TDRD9: variants seen among roughly 807,000 people sequenced by gnomAD.
TDRD9 encodes ATP-dependent RNA helicase TDRD9.
In TDRD9, 124 loss-of-function variants were observed where a neutral mutation model predicts 172.6. The observed-to-expected ratio is 0.72, with a 90% confidence interval of 0.62 to 0.83. The LOEUF is 0.83. Among genes scored for constraint, TDRD9 ranks in the 40% least tolerant of loss-of-function variants. The pLI is 0.00. For missense variants in TDRD9, 1,479 were observed against 1,714.1 expected (o/e 0.86, Z 2.42); for synonymous variants, 619 against 617.1 (o/e 1.00, Z -0.05).
chr14:104,025,112 G>A (rs902955396), intron 25 of TDRD9, among the ~76,000 whole-genome samples: 19 of 152,192 alleles, frequency 1.2e-4, no homozygotes, highest in African/African-American at 4.6e-4. Flanking sequence ...CTCCTGAGTA[G>A]CTGGGATTAC....
In TDRD9 at chr14:103,980,472, T is replaced by C. The variant is rs2033429158; in HGVS notation, c.1011+4919T>C. Among the ~76,000 whole-genome samples the C allele has an allele frequency of 6.6e-6, 1 of 152,114 alleles. No individual in the cohort carries two copies. Among genetic ancestry groups the C allele is most frequent in the Non-Finnish European group, 1.5e-5 (1 of 68,012 alleles). On this transcript the variant is annotated intron_variant, in intron 7 of 35. Transcript: ENST00000409874. The surrounding 1 kb of genome is among the most constrained non-coding windows in gnomAD (Gnocchi z 4.5). The stretch of plus-strand genomic sequence containing the variant: ...TATTATTTCTGCTTATCAGAGACTT[T>C]TAGTACTTTCACTAACTTGCCACTG...
At chr14:103,934,653 G>A (rs1239021529) in intron 1 of TDRD9, among the ~76,000 whole-genome samples, 1 of 152,174 alleles carries the variant, frequency 6.6e-6, no homozygotes, top group Non-Finnish European at 1.5e-5. Context: ...TGGTGGGCGG[G>A]CGCCTGTAGT....
At position 104,024,653 on chromosome 14, in the gene TDRD9, T is replaced by C. The variant is rs751456899; in HGVS notation, c.2691T>C (p.Asp897=). 9 of 1,609,304 alleles carry C rather than the reference T, an allele frequency of 5.6e-6. No individual in the cohort carries two copies. In the South Asian group the frequency reaches 9.9e-5, roughly 18 times the overall value. ...CAGACAGGTCCCAGACAGTTACAGA[T>C]CTCCTTCTAACTATTGATGTCACAG... ...NTSDRSQTVT[D]LLLTIDVTEV... is the part of the protein sequence containing the mutation. Residue 897 remains aspartate (D), a synonymous_variant, in exon 25 of 36, where the codon GAT becomes GAC. Coordinates refer to ENST00000409874, the MANE Select transcript of TDRD9 (RefSeq NM_153046.3).
At chr14:103,972,319 AAAAC>A (rs909901782) in intron 6 of TDRD9, among the ~76,000 whole-genome samples, 1 of 152,184 alleles carries the variant, frequency 6.6e-6, no homozygotes, top group Non-Finnish European at 1.5e-5. Context: ...AAAAAAAACA[AAAAC>A]AAAACAAAAA....
intron 1 of TDRD9, among the ~76,000 whole-genome samples, chr14:103,955,056 G>C (rs2152131243): frequency 6.6e-6 from 1 of 152,010 alleles, no homozygotes; most frequent in Admixed American, 6.6e-5. Flanking sequence ...CTGCTGAGTA[G>C]CTGGGACCAC....
intron 9 of TDRD9, among the ~76,000 whole-genome samples, chr14:103,991,746 A>G (rs1377882291): frequency 7.1e-6 from 1 of 140,340 alleles, no homozygotes; most frequent in Non-Finnish European, 1.6e-5. Flanking sequence ...TCTTATTAAT[A>G]ATTAAGAGTT....
Position 104,052,249 on chromosome 14 carries a change from AGTG to A in TDRD9, c.*171_*173del. 1 of 474,426 alleles carries A rather than the reference AGTG, an allele frequency of 2.1e-6. No individual in the cohort carries two copies. 29.4% of individuals were successfully genotyped at this position (474,426 alleles called of 1,614,324 possible). On this transcript the variant is annotated 3_prime_UTR_variant, in exon 36 of 36. Coordinates refer to ENST00000409874, the MANE Select transcript of TDRD9 (RefSeq NM_153046.3). Reference sequence around the variant, plus strand: ...TTTTCTCTTTGGGTGATAGTCAGAGAGTGGTGTTTTTGTTCAGGTGGGAAGGAT... The same window carrying A: ...TTTTCTCTTTGGGTGATAGTCAGAGAGTGTTTTTGTTCAGGTGGGAAGGAT...
chr14:104,045,659 TGTTGGAAGGCTGGGCATAATAAGGG>T lies in TDRD9; in HGVS notation c.3974+3477_3974+3501del, dbSNP rs1487480590. On this transcript the variant is annotated intron_variant, in intron 34 of 35. Transcript: ENST00000409874. ...TGAAACCTAATACCCAATGCAACAG[TGTTGGAAGGCTGGGCATAATAAGGG>T]GTTGACTGGACTCATGTCATCATTG... 1.3e-5 allele frequency among the ~76,000 whole-genome samples: 2 copies of T among 152,166 alleles called. 1 individual carries two copies. The highest frequency in any genetic ancestry group is 2.9e-5 in the Non-Finnish European group (2 of 68,030).
At chr14:104,021,800 A>T (rs1316496542) in intron 23 of TDRD9, among the ~76,000 whole-genome samples, 1 of 152,232 alleles carries the variant, frequency 6.6e-6, no homozygotes, top group African/African-American at 2.4e-5. Context: ...ATTTTATGAT[A>T]GTAAAGAAAG....
intron 13 of TDRD9, among the ~76,000 whole-genome samples, chr14:104,003,618 A>G (rs2034334237): frequency 6.6e-6 from 1 of 152,000 alleles, no homozygotes. Context: ...TCCTTGGACT[A>G]TTTTATTATG....
chr14:104,003,745 G>A (rs751787669), intron 13 of TDRD9, among the ~76,000 whole-genome samples: 1 of 151,760 alleles, frequency 6.6e-6, no homozygotes, highest in Non-Finnish European at 1.5e-5. Context: ...TTCCTCACTC[G>A]GTCACGTAAT....
At chr14:104,007,234 G>T (rs571050974) in intron 19 of TDRD9, 30 bp downstream of exon 19, 1 of 1,609,542 alleles carries the variant, frequency 6.2e-7, no homozygotes, top group African/African-American at 1.3e-5. Flanking sequence ...CTGCTTTCTA[G>T]ATGGCTGGGA....
At chr14:103,957,035 T>C (rs185484458) in intron 2 of TDRD9, among the ~76,000 whole-genome samples, 107 of 152,352 alleles carry the variant, frequency 7.0e-4, no homozygotes, top group African/African-American at 2.4e-3. Context: ...TTTTAAAAAG[T>C]ATGAAATACA....
At chr14:104,040,059 A>C (rs1291335116) in intron 32 of TDRD9, 137 bp from the exon 33 acceptor site, 1 of 701,088 alleles carries the variant, frequency 1.4e-6, no homozygotes, top group East Asian at 3.4e-5. Flanking sequence ...AACTGGCAGA[A>C]AAATGCACAA....
intron 6 of TDRD9, among the ~76,000 whole-genome samples, chr14:103,972,120 C>T (rs1431566581): frequency 6.6e-6 from 1 of 151,964 alleles, no homozygotes; most frequent in East Asian, 1.9e-4. Context: ...CGCCACTGCA[C>T]TCCAGCCTGG....
intron 9 of TDRD9, among the ~76,000 whole-genome samples, chr14:103,992,619 C>T (rs180911937): frequency 1.3e-4 from 19 of 151,936 alleles, no homozygotes; most frequent in Non-Finnish European, 2.5e-4. Flanking sequence ...TTTGGGAGGC[C>T]GAGGCTTAAG....
chr14:103,970,056 T>C (rs1343611428), intron 5 of TDRD9, among the ~76,000 whole-genome samples: 3 of 152,186 alleles, frequency 2.0e-5, no homozygotes, highest in African/African-American at 7.2e-5. Flanking sequence ...TCATGGAATG[T>C]GTCCTGTAGG....
At chr14:103,932,332 G>C (rs1373192054) in intron 1 of TDRD9, among the ~76,000 whole-genome samples, 1 of 152,216 alleles carries the variant, frequency 6.6e-6, no homozygotes, top group Non-Finnish European at 1.5e-5. Flanking sequence ...CCCAGTGAAG[G>C]AGAGTGTTGA....
At chr14:103,966,907 C>A in intron 5 of TDRD9, 76 bp downstream of exon 5, 1 of 1,293,122 alleles carries the variant, frequency 7.7e-7, no homozygotes, top group Non-Finnish European at 1.0e-6. Flanking sequence ...TGAACCCTGT[C>A]TTTGTGCCTG....
Sources: gnomAD v4.1 joint callset for allele counts (sites outside exome capture counted in the v4.1 genomes callset) on GRCh38, gnomAD v4.1.1 for gene constraint, Gnocchi (gnomAD v3.1) non-coding constraint, MANE v1.5 for transcripts, NCBI Gene and HGNC (gene_info 2026-07-23, HGNC 2026-07-21) for gene names.